ITFG2: variants seen among roughly 807,000 people sequenced by gnomAD.
ITFG2 encodes integrin alpha FG-GAP repeat containing 2, also known as KICSTOR complex protein ITFG2.
In ITFG2, 36 loss-of-function variants were observed where a neutral mutation model predicts 54.4. The observed-to-expected ratio is 0.66, with a 90% CI of 0.51 to 0.87. The LOEUF (loss-of-function observed/expected upper bound fraction) is 0.87, where lower values mean the gene tolerates loss of function less well. Ranked by LOEUF, ITFG2 falls within the 40% of genes least tolerant of loss-of-function variation. The pLI, the probability that ITFG2 is intolerant of heterozygous loss-of-function variation, is 0.00. For missense variants in ITFG2, 524 were observed against 576.7 expected (o/e 0.91, Z 0.94); for synonymous variants, 211 against 225.4 (o/e 0.94, Z 0.57).
intron 2 of ITFG2, among the ~76,000 whole-genome samples, chr12:2,841,360 TG>T (rs1222241710): frequency 6.6e-6 from 1 of 152,220 alleles, no homozygotes; most frequent in Admixed American, 6.5e-5. Context: ...CTGGTGTTTT[TG>T]TATTTCTAGC....
chr12:2,814,229 G>A (rs907436483), intron 1 of ITFG2, among the ~76,000 whole-genome samples: 5 of 152,328 alleles, frequency 3.3e-5, no homozygotes, highest in African/African-American at 1.2e-4. Flanking sequence ...ACAGGTGTAA[G>A]CAACCTCACC....
chr12:2,823,078 G>A (rs552926104), intron 10 of ITFG2, among the ~76,000 whole-genome samples, 167 bp downstream of exon 10: 4 of 152,158 alleles, frequency 2.6e-5, no homozygotes, highest in Admixed American at 1.3e-4. Flanking sequence ...GGTGAGGGGT[G>A]AGTGATGTAA....
chr12:2,818,691 T>C (rs1159528641), intron 4 of ITFG2: 3 of 251,022 alleles, frequency 1.2e-5, no homozygotes, highest in Non-Finnish European at 2.4e-5. Flanking sequence ...AAACTATACA[T>C]TTTGTAAGAT....
chr12:2,816,483 C>T (rs1287329780), intron 1 of ITFG2, among the ~76,000 whole-genome samples: 1 of 151,932 alleles, frequency 6.6e-6, no homozygotes, highest in African/African-American at 2.4e-5. Flanking sequence ...GCGCCCGCCA[C>T]CATGCCCGGC....
At chr12:2,844,351 C>T (rs1355859913) in intron 2 of ITFG2, among the ~76,000 whole-genome samples, 6 of 152,058 alleles carry the variant, frequency 3.9e-5, no homozygotes, top group African/African-American at 9.7e-5. Context: ...GTCAGGAGTT[C>T]GACACCAGCC....
At chr12:2,849,722 G>C (rs1238495314) in intron 2 of ITFG2, among the ~76,000 whole-genome samples, 2 of 152,178 alleles carry the variant, frequency 1.3e-5, no homozygotes, top group African/African-American at 2.4e-5. Flanking sequence ...TGTGTGTGTT[G>C]GTGTTAGGCT....
At chr12:2,853,107 A>G (rs1003670768) in intron 2 of ITFG2, among the ~76,000 whole-genome samples, 11 of 152,136 alleles carry the variant, frequency 7.2e-5, no homozygotes, top group Admixed American at 4.6e-4. Context: ...ACCACCTGGC[A>G]CTGTCATGCC....
chr12:2,815,816 A>T (rs1391617298), intron 1 of ITFG2, among the ~76,000 whole-genome samples: 1 of 152,174 alleles, frequency 6.6e-6, no homozygotes, highest in Non-Finnish European at 1.5e-5. Flanking sequence ...CACACCCCTA[A>T]ATGGAAATAA....
At chr12:2,830,669 G>A in intron 2 of ITFG2, 1 of 1,581,800 alleles carries the variant, frequency 6.3e-7, no homozygotes, top group Non-Finnish European at 8.6e-7. Flanking sequence ...AGTGCAGGCA[G>A]GGTTGTTAAT....
chr12:2,832,687 G>T (rs1168067057), upstream of ITFG2, among the ~76,000 whole-genome samples: 1 of 150,234 alleles, frequency 6.7e-6, no homozygotes, highest in East Asian at 2.0e-4. Context: ...TCCCCCATTA[G>T]CCTGGAGAGC....
chr12:2,815,475 C>A (rs865820630), intron 1 of ITFG2, among the ~76,000 whole-genome samples: 27 of 152,266 alleles, frequency 1.8e-4, no homozygotes, highest in African/African-American at 6.3e-4. Context: ...GGAGCAGCCC[C>A]TTCAGGCTCT....
In ITFG2 at chr12:2,823,815, A is replaced by G; in HGVS notation, c.1112A>G (p.Tyr371Cys). 6.2e-7 allele frequency: 1 copy of G among 1,604,652 alleles called. No individual in the cohort carries two copies. Among genetic ancestry groups the G allele is most frequent in the Non-Finnish European group, 8.5e-7 (1 of 1,174,688 alleles). Reference sequence around the variant, plus strand: ...GGCCGCAACAGCCCCTGCCTCGTATATGTCACTTTCAACCAGAAGATCTAT... The same window carrying G: ...GGCCGCAACAGCCCCTGCCTCGTATGTGTCACTTTCAACCAGAAGATCTAT... ...KEGRNSPCLV[Y>C]VTFNQKIYVY... Residue 371 changes from tyrosine (Y) to cysteine (C), a missense_variant, in exon 11 of 12, where the codon TAT becomes TGT. Coordinates refer to ENST00000228799, the MANE Select transcript of ITFG2 (RefSeq NM_018463.4).
intron 1 of ITFG2, 91 bp from the exon 2 acceptor site, chr12:2,817,132 T>A: frequency 1.3e-6 from 1 of 761,474 alleles, no homozygotes; most frequent in Non-Finnish European, 2.3e-6. Context: ...GTTGAGGTCT[T>A]GTGATTACCC....
intron 2 of ITFG2, chr12:2,849,483 G>A (rs1212368992): frequency 2.6e-6 from 4 of 1,536,170 alleles, no homozygotes; most frequent in Non-Finnish European, 3.5e-6. Context: ...TGAGCTGGAG[G>A]CCCTGGGGTT....
intron 2 of ITFG2, among the ~76,000 whole-genome samples, chr12:2,848,438 G>A (rs2098059214): frequency 1.3e-5 from 2 of 152,210 alleles, no homozygotes; most frequent in African/African-American, 2.4e-5. Context: ...AGAAAAAGCT[G>A]AGGCCCAAGG....
At chr12:2,851,719 C>A (rs567678869) in intron 2 of ITFG2, among the ~76,000 whole-genome samples, 2 of 151,708 alleles carry the variant, frequency 1.3e-5, no homozygotes, top group East Asian at 3.9e-4. Context: ...TGATCTGTCA[C>A]CCAGGCTGGA....
At chr12:2,858,922 G>C (rs1478305288) in intron 3 of ITFG2, 3 of 1,613,410 alleles carry the variant, frequency 1.9e-6, no homozygotes, top group African/African-American at 1.3e-5. Context: ...GGTGATTCAA[G>C]GGGGGGAGCA....
At chr12:2,857,645 C>T (rs1195722755) in intron 2 of ITFG2, 1 of 153,940 alleles carries the variant, frequency 6.5e-6, no homozygotes, top group Non-Finnish European at 1.4e-5. Flanking sequence ...CTCCTGGTGC[C>T]TTAGGAATCA....
rs529626145 is a variant in ITFG2 at position 2,823,970 on chromosome 12, G to A, written c.1240+27G>A. Reference sequence around the variant, plus strand: ...TGAGTCCCAGAAAAGCCAGTGGCCCGAGTGCCCAGGAGACCCACAGCATGC... The same window carrying A: ...TGAGTCCCAGAAAAGCCAGTGGCCCAAGTGCCCAGGAGACCCACAGCATGC... On this transcript the variant is annotated intron_variant, in intron 11 of 11. Transcript: ENST00000228799. 3.6e-5 allele frequency: 58 copies of A among 1,611,754 alleles called. No individual in the cohort carries two copies. In the Middle Eastern group the frequency reaches 6.6e-4, roughly 18 times the overall value.
Sources: gnomAD v4.1 joint callset for allele counts (sites outside exome capture counted in the v4.1 genomes callset) on GRCh38, gnomAD v4.1.1 for gene constraint, MANE v1.5 for transcripts, NCBI Gene and HGNC (gene_info 2026-07-23, HGNC 2026-07-21) for gene names.